Variants in BTBD10 observed in about 807,000 individuals in gnomAD.
The protein encoded by BTBD10 is BTB domain containing 10.
In BTBD10, 21 loss-of-function variants were observed where a neutral mutation model predicts 53.2. That is an observed-to-expected ratio of 0.39 (90% CI 0.28 to 0.57). BTBD10 has a LOEUF of 0.57. Ranked by LOEUF, BTBD10 falls within the 20% of genes least tolerant of loss-of-function variation. The pLI is 0.53. For missense variants in BTBD10, 360 were observed against 594.7 expected (o/e 0.61, Z 4.10); for synonymous variants, 149 against 192.7 (o/e 0.77, Z 1.88).
chr11:13,419,861 C>T lies in BTBD10; in HGVS notation c.299-116G>A, dbSNP rs564655280. On this transcript the variant is annotated intron_variant, in intron 3 of 8. Coordinates refer to ENST00000278174, the MANE Select transcript of BTBD10 (RefSeq NM_032320.7). The stretch of plus-strand genomic sequence containing the variant: ...GTTGTTTTAAGTCACAGCATTTCTA[C>T]TTTTCAATTTCAAATAAGATGTTAA... 7.3e-5 allele frequency: 79 copies of T among 1,081,436 alleles called. No homozygotes were observed. In the African/African-American group the frequency reaches 9.9e-4, roughly 14 times the overall value. 67.0% of individuals were successfully genotyped at this position (1,081,436 alleles called of 1,614,324 possible).
At chr11:13,438,397 CT>C (rs1263134481) in intron 2 of BTBD10, among the ~76,000 whole-genome samples, 1 of 151,980 alleles carries the variant, frequency 6.6e-6, no homozygotes, top group South Asian at 2.1e-4. Flanking sequence ...GACATTCTTT[CT>C]TTTTGGAGAT....
chr11:13,397,441 T>C, intron 8 of BTBD10, among the ~76,000 whole-genome samples: 1 of 152,228 alleles, frequency 6.6e-6, no homozygotes, highest in Non-Finnish European at 1.5e-5. Flanking sequence ...TTTTCTTCTT[T>C]GTTTGTCTTG....
chr11:13,404,638 T>C, intron 7 of BTBD10: 1 of 983,984 alleles, frequency 1.0e-6, no homozygotes, highest in Non-Finnish European at 1.2e-6. Context: ...AAAACCATTG[T>C]CAGCAAAGAG....
At chr11:13,457,376 A>G (rs1950994027) in intron 1 of BTBD10, among the ~76,000 whole-genome samples, 1 of 152,176 alleles carries the variant, frequency 6.6e-6, no homozygotes, top group Admixed American at 6.5e-5. Context: ...AACAATCGGA[A>G]TGTGCATCAA....
chr11:13,457,767 AG>A (rs1454688117), intron 1 of BTBD10, among the ~76,000 whole-genome samples: 1 of 152,164 alleles, frequency 6.6e-6, no homozygotes, highest in Non-Finnish European at 1.5e-5. Context: ...TAAATTAATA[AG>A]GGGTGTATGT....
chr11:13,440,007 A>G (rs1049193190), intron 2 of BTBD10: 1 of 1,534,380 alleles, frequency 6.5e-7, no homozygotes, highest in African/African-American at 1.4e-5. Flanking sequence ...ATCCTTGGGC[A>G]TTACTAGGAA....
rs1397323328 is a variant in BTBD10, at chr11:13,421,719, G to T, written c.221C>A (p.Ser74Ter). The T allele has an allele frequency of 6.2e-7, 1 of 1,613,518 alleles. No homozygotes were observed. Among genetic ancestry groups the T allele is most frequent in the African/African-American group, 1.3e-5 (1 of 74,918 alleles). Residue 74 changes from serine to a stop codon, truncating the protein, a stop_gained, in exon 3 of 9, where the codon TCA (serine) becomes TAA (stop). Coordinates refer to ENST00000278174, the MANE Select transcript of BTBD10 (RefSeq NM_032320.7). LOFTEE classifies it high-confidence loss of function. The stretch of plus-strand genomic sequence containing the variant: ...CTGAGACTCCGTTCTTTCATGAGAT[G>T]AATCTCGTGATCTGTCACTTGACCT... ...RRRSSDRSRD[S>*]SHERTESQLT...
At chr11:13,401,847 C>T (rs1436672517) in intron 8 of BTBD10, among the ~76,000 whole-genome samples, 5 of 152,096 alleles carry the variant, frequency 3.3e-5, no homozygotes, top group African/African-American at 1.2e-4. Context: ...ACTTTCAGAC[C>T]AACTATATCT....
At chr11:13,460,356 C>A (rs1305901262) in intron 1 of BTBD10, among the ~76,000 whole-genome samples, 3 of 152,126 alleles carry the variant, frequency 2.0e-5, no homozygotes, top group Non-Finnish European at 4.4e-5. Context: ...CACCCTTATC[C>A]CAAGTGAAGA....
At chr11:13,442,754 CCTGAA>C (rs1172839870) in intron 2 of BTBD10, among the ~76,000 whole-genome samples, 1 of 152,158 alleles carries the variant, frequency 6.6e-6, no homozygotes, top group African/African-American at 2.4e-5. Flanking sequence ...TTGAATCTCT[CCTGAA>C]CTGAAGGCAA....
In BTBD10 at chr11:13,388,741, A is replaced by G. The variant is rs1949323126; in HGVS notation, c.*90T>C. 15 of 1,344,326 alleles carry G rather than the reference A, an allele frequency of 1.1e-5. No homozygotes were observed. The highest frequency in any genetic ancestry group is 2.0e-5 in the Admixed American group (1 of 48,966). 83.3% of individuals were successfully genotyped at this position (1,344,326 alleles called of 1,614,324 possible). On this transcript the variant is annotated 3_prime_UTR_variant, in exon 9 of 9. Coordinates refer to ENST00000278174, the MANE Select transcript of BTBD10 (RefSeq NM_032320.7). ...CTAAACATTGTTATGTGCATCTCAC[A>G]ATGAAGAAGAGTGGCCTTGCAGTGC...
chr11:13,428,165 A>T (rs1332423839), intron 2 of BTBD10, among the ~76,000 whole-genome samples: 1 of 152,112 alleles, frequency 6.6e-6, no homozygotes, highest in Admixed American at 6.5e-5. Context: ...AATAATAATA[A>T]AAGAATATTA....
Position 13,389,131 on chromosome 11 carries a change from G to C in BTBD10, c.1128C>G (p.Thr376=). Residue 376 remains threonine, a synonymous_variant, in exon 9 of 9, where the codon ACC becomes ACG. Coordinates refer to ENST00000278174, the MANE Select transcript of BTBD10 (RefSeq NM_032320.7). The part of the protein sequence containing the change: ...KIRLGIEGYP[T]YKEKVKKRPG... ...GCCTTTTCTTTACTTTTTCTTTGTA[G>C]GTAGGATAACCTGAAAGAAAGAAAG... The C allele has an allele frequency of 6.2e-7, 1 of 1,609,076 alleles. No individual in the cohort carries two copies. Among genetic ancestry groups the C allele is most frequent in the East Asian group, 2.2e-5 (1 of 44,830 alleles).
At position 13,413,534 on chromosome 11, in the gene BTBD10, A is replaced by T. The variant is rs2135800163; in HGVS notation, c.804T>A (p.Asp268Glu). The change falls in exon 6 of 9, where the codon GAT becomes GAA. Residue 268 changes from aspartate (D) to glutamate (E), a missense_variant. Asp to Glu is a conservative substitution (Grantham distance 45). Around this residue, in one of 6 missense-constraint regions of BTBD10, gnomAD observed 91 missense variants for 171.7 expected, o/e 0.53. Transcript: ENST00000278174. The stretch of plus-strand genomic sequence containing the variant: ...CACACAAAACATCATACTTACTGAG[A>T]TCTCTACATTTAATAGTGCTATATT... Reference protein sequence around the residue: ...SFEYSTIKCRDLSALMHELSN... With the variant: ...SFEYSTIKCRELSALMHELSN... The T allele has an allele frequency of 6.2e-7, 1 of 1,605,252 alleles. No homozygotes were observed. The highest frequency in any genetic ancestry group is 8.5e-7 in the Non-Finnish European group (1 of 1,176,324).
At chr11:13,419,323 T>A in intron 4 of BTBD10, 137 bp downstream of exon 4, 1 of 1,167,308 alleles carries the variant, frequency 8.6e-7, no homozygotes, top group East Asian at 2.6e-5. Context: ...TAATTTAGCC[T>A]CCAAAGCTCA....
chr11:13,405,683 G>A lies in BTBD10; in HGVS notation c.982C>T (p.Gln328Ter). 1.9e-6 allele frequency: 3 copies of A among 1,613,600 alleles called. No individual in the cohort carries two copies. The highest frequency in any genetic ancestry group is 2.5e-6 in the Non-Finnish European group (3 of 1,179,612). ...CTTTGTGAATATTCTTCTCCCATCT[G>A]TGGTGGATATTCTTCATCCCAATCA... ...VVDWDEEYPP[Q>*]MGEEYSQIIY... Residue 328 changes from glutamine (Q) to a stop codon, truncating the protein, a stop_gained, in exon 7 of 9, where the codon CAG becomes TAG. Transcript: ENST00000278174. LOFTEE classifies it high-confidence loss of function.
intron 8 of BTBD10, among the ~76,000 whole-genome samples, chr11:13,398,148 A>T (rs1010870708): frequency 6.6e-6 from 1 of 152,174 alleles, no homozygotes; most frequent in Non-Finnish European, 1.5e-5. Context: ...GGGGTGTTAA[A>T]GTCTCCCATT....
intron 6 of BTBD10, among the ~76,000 whole-genome samples, chr11:13,409,314 T>C (rs907387180): frequency 3.0e-4 from 45 of 152,194 alleles, no homozygotes; most frequent in African/African-American, 1.1e-3. Context: ...TTGGCACTTA[T>C]CACTAACATA....
chr11:13,389,486 T>A (rs1949351094), intron 8 of BTBD10, among the ~76,000 whole-genome samples: 1 of 151,696 alleles, frequency 6.6e-6, no homozygotes, highest in Admixed American at 6.6e-5. Context: ...TGGAGTGCCA[T>A]GTGTGACCTT....
Sources: gnomAD v4.1 joint callset for allele counts (sites outside exome capture counted in the v4.1 genomes callset) on GRCh38, gnomAD v4.1.1 for gene constraint, gnomAD v4.1.1 regional missense constraint, MANE v1.5 for transcripts, NCBI Gene and HGNC (gene_info 2026-07-23, HGNC 2026-07-21) for gene names.